Variants in NAV2 observed in about 807,000 individuals in gnomAD.
NAV2 encodes the protein neuron navigator 2.
Under a neutral mutation model 223.2 loss-of-function variants are expected in NAV2, and 54 were observed. The observed-to-expected ratio is 0.24, with a 90% CI of 0.19 to 0.30. The LOEUF (loss-of-function observed/expected upper bound fraction) is 0.30. Among genes scored for constraint, NAV2 ranks in the 10% least tolerant of loss-of-function variants. NAV2 has a pLI of 1.00. For missense variants in NAV2, 2,806 were observed against 3,147.5 expected (o/e 0.89, Z 2.60); for synonymous variants, 1,279 against 1,239.3 (o/e 1.03, Z -0.67).
At chr11:20,106,186 TA>T in intron 35 of NAV2, among the ~76,000 whole-genome samples, 1 of 34,130 alleles carries the variant, frequency 2.9e-5, no homozygotes, top group African/African-American at 2.3e-4. Flanking sequence ...TGTGTGTGTA[TA>T]TATATATATA....
In NAV2 at chr11:19,627,778, G is replaced by C. The variant is rs947958950; in HGVS notation, c.76-204706G>C. ...ACTGACGGTGATGGATGAGATGGGA[G>C]GGTTGGGCCCCGCCTGCAAAGTGAG... On this transcript the variant is annotated intron_variant, in intron 1 of 37. Coordinates refer to the NAV2 transcript ENST00000360655. Among the ~76,000 whole-genome samples the C allele has an allele frequency of 2.0e-5, 3 of 151,986 alleles. No individual in the cohort carries two copies. The East Asian group carries it at 5.8e-4, about 29-fold the overall frequency.
intron 19 of NAV2, among the ~76,000 whole-genome samples, chr11:20,061,549 A>G (rs994826235): frequency 2.0e-5 from 3 of 151,346 alleles, no homozygotes; most frequent in Non-Finnish European, 4.4e-5. Flanking sequence ...AGCCTGGGCA[A>G]CAGAGTGAAA....
rs1213139263 is a variant in NAV2 at position 19,481,546 on chromosome 11, C to T, written c.75+130519C>T. On this transcript the variant is annotated intron_variant, in intron 1 of 37. Coordinates refer to the NAV2 transcript ENST00000360655. Reference sequence around the variant, plus strand: ...TAATTGGGTGTTGCAGGGCAAAATACTTAAGCCCTCTAAACCTCTGCTCTT... The same window carrying T: ...TAATTGGGTGTTGCAGGGCAAAATATTTAAGCCCTCTAAACCTCTGCTCTT... Among the ~76,000 whole-genome samples, 3 of 152,214 alleles carry T rather than the reference C, an allele frequency of 2.0e-5. No individual in the cohort carries two copies. The East Asian group carries it at 5.8e-4, about 29-fold the overall frequency.
chr11:20,019,994 T>TAAAA (rs763255071), intron 11 of NAV2, among the ~76,000 whole-genome samples: 1 of 134,044 alleles, frequency 7.5e-6, no homozygotes, highest in Non-Finnish European at 1.6e-5. Flanking sequence ...GGGCATGAGG[T>TAAAA]AAAAAAAAAA....
intron 10 of NAV2, among the ~76,000 whole-genome samples, chr11:19,951,069 CAGAA>C (rs1443021519): frequency 6.6e-6 from 1 of 152,098 alleles, no homozygotes; most frequent in Non-Finnish European, 1.5e-5. Context: ...AGGCTTCACA[CAGAA>C]AGGAAGAGGG....
chr11:19,599,766 G>A (rs2046304649), intron 1 of NAV2, among the ~76,000 whole-genome samples: 1 of 152,166 alleles, frequency 6.6e-6, no homozygotes, highest in African/African-American at 2.4e-5. Context: ...GTGGGTGAAG[G>A]GGCTATTCTG....
intron 16 of NAV2, among the ~76,000 whole-genome samples, chr11:20,051,034 A>G (rs537535576): frequency 6.6e-6 from 1 of 152,324 alleles, no homozygotes; most frequent in East Asian, 1.9e-4. Context: ...ACGAGGAACA[A>G]TTGGGGTTAA....
At chr11:19,925,662 T>C (rs1213904196) in intron 6 of NAV2, among the ~76,000 whole-genome samples, 4 of 151,506 alleles carry the variant, frequency 2.6e-5, no homozygotes, top group Non-Finnish European at 5.9e-5. Flanking sequence ...GCAAGAGAAT[T>C]GCTTGAACCC....
chr11:19,446,705 G>A (rs551638723), intron 1 of NAV2, among the ~76,000 whole-genome samples: 41 of 152,306 alleles, frequency 2.7e-4, no homozygotes, highest in African/African-American at 9.6e-4. Context: ...GCAAACAGCT[G>A]AACCGCTGAA....
intron 1 of NAV2, among the ~76,000 whole-genome samples, chr11:19,427,025 G>A (rs1257917139): frequency 6.6e-6 from 1 of 151,684 alleles, no homozygotes; most frequent in Non-Finnish European, 1.5e-5. Context: ...CCCTGCTACA[G>A]TGTGACTGAG....
At chr11:19,928,306 AAT>A (rs2044980060) in intron 6 of NAV2, among the ~76,000 whole-genome samples, 2 of 152,322 alleles carry the variant, frequency 1.3e-5, no homozygotes, top group South Asian at 2.1e-4. Flanking sequence ...ATCATTTTCC[AAT>A]ATGTTTCTAA....
chr11:19,473,689 T>C (rs1342540179), intron 1 of NAV2, among the ~76,000 whole-genome samples: 1 of 152,156 alleles, frequency 6.6e-6, no homozygotes, highest in Non-Finnish European at 1.5e-5. Context: ...AGTGGGTGCA[T>C]GGGATGCTGT....
Position 20,119,492 on chromosome 11 carries a change from C to A in NAV2, c.*1234C>A, listed in dbSNP as rs2063365912. The A allele has an allele frequency of 6.6e-6, 1 of 152,652 alleles. No individual in the cohort carries two copies. The highest frequency in any genetic ancestry group is 2.4e-5 in the African/African-American group (1 of 41,416). The allele number at this position is 152,652 out of a possible 1,614,324, so 9.5% of individuals were successfully genotyped here. A position where few individuals can be genotyped will look rare whatever the true frequency, so the allele number is the denominator to read the frequency against. On this transcript the variant is annotated 3_prime_UTR_variant, in exon 38 of 38. Transcript: ENST00000349880. ...AGCTTCCGGTGGGGTGATGCGGTCA[C>A]CCTGCAAAAGACTTGCACTTTCCTC...
chr11:19,941,691 G>A lies in NAV2; in HGVS notation c.2146+1918G>A, dbSNP rs145215435. ...ACCACACACACCTGCTTATCATACT[G>A]CTCATGAATTCCTTCTATAGCTTAC... On this transcript the variant is annotated intron_variant, in intron 8 of 37. Transcript: ENST00000349880. Among the ~76,000 whole-genome samples the A allele has an allele frequency of 4.1e-3, 629 of 152,150 alleles. 3 individuals carry two copies. Among genetic ancestry groups the A allele is most frequent in the Non-Finnish European group, 6.8e-3 (463 of 68,018 alleles).
chr11:19,675,459 G>T (rs1033892702), intron 1 of NAV2, among the ~76,000 whole-genome samples: 11 of 152,162 alleles, frequency 7.2e-5, no homozygotes, highest in Admixed American at 6.5e-5. Context: ...CCCACTGCCT[G>T]TGTCCAACTA....
At chr11:19,540,791 GA>G (rs1279224949) in intron 1 of NAV2, among the ~76,000 whole-genome samples, 2 of 152,178 alleles carry the variant, frequency 1.3e-5, no homozygotes, top group South Asian at 2.1e-4. Context: ...AGCTCTTTGG[GA>G]GGCCAAGGTG....
At chr11:19,559,119 A>G (rs1458244447) in intron 1 of NAV2, among the ~76,000 whole-genome samples, 1 of 152,170 alleles carries the variant, frequency 6.6e-6, no homozygotes, top group Non-Finnish European at 1.5e-5. Flanking sequence ...GAATGGGAGG[A>G]ATTATTAGTG....
intron 17 of NAV2, among the ~76,000 whole-genome samples, chr11:20,051,556 G>A (rs1296248617): frequency 6.6e-6 from 1 of 152,184 alleles, no homozygotes; most frequent in Non-Finnish European, 1.5e-5. Context: ...CAGGCTTAAT[G>A]TGGTAAAACC....
At chr11:19,663,879 G>T (rs553103481) in intron 1 of NAV2, among the ~76,000 whole-genome samples, 2 of 152,240 alleles carry the variant, frequency 1.3e-5, no homozygotes, top group South Asian at 4.1e-4. Flanking sequence ...CATGTTTTCT[G>T]CTATGGGGCA....
Sources: gnomAD v4.1 joint callset for allele counts (sites outside exome capture counted in the v4.1 genomes callset) on GRCh38, gnomAD v4.1.1 for gene constraint, MANE v1.5 for transcripts, NCBI Gene and HGNC (gene_info 2026-07-23, HGNC 2026-07-21) for gene names.